Variants in LRRC27 observed in about 807,000 individuals in gnomAD.
The protein encoded by LRRC27 is leucine rich repeat containing 27, also known as leucine-rich repeat-containing protein 27.
Under a neutral mutation model 55.0 loss-of-function variants are expected in LRRC27, and 57 were observed. That is an observed-to-expected ratio of 1.04 (90% CI 0.84 to 1.29). LRRC27 has a LOEUF of 1.29. Among genes scored for constraint, LRRC27 ranks in the 50% most tolerant of loss-of-function variants. LRRC27 has a pLI of 0.00. For synonymous variants in LRRC27, 278 were observed against 251.9 expected (o/e 1.10, Z -0.98); for missense variants, 721 against 651.5 (o/e 1.11, Z -1.16).
chr10:132,380,753 A>G lies in LRRC27; in HGVS notation c.*5511A>G, dbSNP rs1442882511. On this transcript the variant is annotated 3_prime_UTR_variant, in exon 11 of 11. Transcript: ENST00000368614. ...AACACTTTGGGACCCATAGAGTGCC[A>G]CCAGTCATGCCAAAGAGCTCCTGAG... Among the ~76,000 whole-genome samples, 1 of 152,236 alleles carries G rather than the reference A, an allele frequency of 6.6e-6. No individual in the cohort carries two copies. Among genetic ancestry groups the G allele is most frequent in the African/African-American group, 2.4e-5 (1 of 41,460 alleles).
At chr10:132,341,816 G>C (rs2067428401) in intron 3 of LRRC27, among the ~76,000 whole-genome samples, 1 of 152,238 alleles carries the variant, frequency 6.6e-6, no homozygotes, top group South Asian at 2.1e-4. Context: ...GTTATAACTG[G>C]AAGGTGTGAA....
intron 9 of LRRC27, among the ~76,000 whole-genome samples, chr10:132,361,901 A>G (rs1239325228): frequency 1.3e-5 from 2 of 151,336 alleles, no homozygotes; most frequent in Non-Finnish European, 2.9e-5. Flanking sequence ...CACCCGCTGC[A>G]GTCCCTGCCC....
chr10:132,331,812 C>A (rs1208837309), upstream of LRRC27: 3 of 1,579,544 alleles, frequency 1.9e-6, no homozygotes, highest in African/African-American at 4.0e-5. Flanking sequence ...GCCCGTCGAC[C>A]ACCACCCCTT....
In LRRC27 at chr10:132,377,732, C is replaced by T. The variant is rs981842158; in HGVS notation, c.*2490C>T. The T allele has an allele frequency of 3.3e-5, 5 of 152,186 alleles. No homozygotes were observed. Among genetic ancestry groups the T allele is most frequent in the African/African-American group, 1.2e-4 (5 of 41,434 alleles). 9.4% of individuals were successfully genotyped at this position (152,186 alleles called of 1,614,324 possible). The stretch of plus-strand genomic sequence containing the variant: ...TCTTTGTATCATGGTTATGCTTTGA[C>T]TGGCCGTAAGTTCTCTCAGCTTTTG... On this transcript the variant is annotated 3_prime_UTR_variant, in exon 11 of 11. Transcript: ENST00000368614.
chr10:132,353,776 G>A (rs554972076), intron 7 of LRRC27, among the ~76,000 whole-genome samples: 11 of 152,248 alleles, frequency 7.2e-5, no homozygotes, highest in Non-Finnish European at 1.2e-4. Context: ...ACTGTCCCTC[G>A]GGGTAGCTCT....
chr10:132,351,757 A>AGTCCACACAGGGTGGGG lies in LRRC27; in HGVS notation c.1073+9_1073+25dup. On this transcript the variant is annotated splice_donor_region_variant and intron_variant, in intron 7 of 10. Transcript: ENST00000368614. ...CTCTGATGGAGCAGCAGAGACGGTG[A>AGTCCACACAGGGTGGGG]GTCCACACAGGGTGGGGGTCCGCAC... The AGTCCACACAGGGTGGGG allele has an allele frequency of 1.2e-6, 2 of 1,609,568 alleles. No individual in the cohort carries two copies. The highest frequency in any genetic ancestry group is 1.7e-6 in the Non-Finnish European group (2 of 1,177,794).
rs1160816565 is a variant in LRRC27, at chr10:132,369,395, T to C, written c.1416+3845T>C. On this transcript the variant is annotated intron_variant, in intron 10 of 10. Coordinates refer to ENST00000368614, the MANE Select transcript of LRRC27 (RefSeq NM_030626.3). Reference sequence around the variant, plus strand: ...TCCTTCAGCAGGTGACTGGATAAACTGGAACATCCAGATAGTGGAACGTTG... The same window carrying C: ...TCCTTCAGCAGGTGACTGGATAAACCGGAACATCCAGATAGTGGAACGTTG... Among the ~76,000 whole-genome samples, 4 of 152,142 alleles carry C rather than the reference T, an allele frequency of 2.6e-5. No homozygotes were observed. In the East Asian group the frequency reaches 7.7e-4, roughly 29 times the overall value.
At chr10:132,354,481 G>T (rs1449915170) in intron 7 of LRRC27, among the ~76,000 whole-genome samples, 1 of 152,202 alleles carries the variant, frequency 6.6e-6, no homozygotes, top group Non-Finnish European at 1.5e-5. Context: ...GACACGGGGG[G>T]CACCACCCTG....
In LRRC27 at chr10:132,348,287, A is replaced by G; in HGVS notation, c.857A>G (p.Glu286Gly). 2 of 1,614,028 alleles carry G rather than the reference A, an allele frequency of 1.2e-6. No homozygotes were observed. Among genetic ancestry groups the G allele is most frequent in the Non-Finnish European group, 1.7e-6 (2 of 1,180,030 alleles). The stretch of plus-strand genomic sequence containing the variant: ...CTGGGAGATCAGCTCTTGACGAGGG[A>G]ATTACCTCCAAATCTCAAGGCGGCC... ...DVLGDQLLTR[E>G]LPPNLKAALN... Residue 286 changes from glutamate to glycine, a missense_variant, in exon 6 of 11, where the codon GAA becomes GGA. Glu to Gly is a moderately conservative substitution (Grantham distance 98, BLOSUM62 -2). Coordinates refer to ENST00000368614, the MANE Select transcript of LRRC27 (RefSeq NM_030626.3). This position sits in a 1 kb window ranked among gnomAD's most constrained non-coding sequence, Gnocchi z 4.2.
chr10:132,359,457 A>G (rs576631305), intron 8 of LRRC27, among the ~76,000 whole-genome samples: 4 of 152,304 alleles, frequency 2.6e-5, no homozygotes, highest in Non-Finnish European at 5.9e-5. Flanking sequence ...GCAGCTGGGC[A>G]GGAGGACACG....
intron 10 of LRRC27, among the ~76,000 whole-genome samples, chr10:132,368,661 G>T (rs2069150308): frequency 6.6e-6 from 1 of 150,876 alleles, no homozygotes; most frequent in South Asian, 2.1e-4. Flanking sequence ...ATTCAAAATG[G>T]ATCATAGACC....
intron 7 of LRRC27, chr10:132,353,415 G>C (rs1273888060): frequency 9.8e-7 from 1 of 1,025,260 alleles, no homozygotes; most frequent in Non-Finnish European, 1.2e-6. Context: ...TGTGTGTGCT[G>C]TTTTCTCTCG....
At chr10:132,334,433 G>T (rs1280348496) in intron 2 of LRRC27, among the ~76,000 whole-genome samples, 2 of 152,112 alleles carry the variant, frequency 1.3e-5, no homozygotes, top group African/African-American at 4.8e-5. Flanking sequence ...TAGAGATGGG[G>T]TTTCACCATG....
chr10:132,356,185 C>T (rs1306702304), intron 8 of LRRC27, among the ~76,000 whole-genome samples: 1 of 152,200 alleles, frequency 6.6e-6, no homozygotes, highest in South Asian at 2.1e-4. Flanking sequence ...TGACTTTTGG[C>T]TCCTGTCTGG....
rs2068760427 is a variant in LRRC27 at position 132,363,732 on chromosome 10, A to G, written c.1290-1692A>G. 2.0e-5 allele frequency among the ~76,000 whole-genome samples: 3 copies of G among 152,178 alleles called. No individual in the cohort carries two copies. The South Asian group carries it at 6.2e-4, about 32-fold the overall frequency. ...GGGCCTGGCCCCGGCCCTGCTGCTC[A>G]GCGTACGTCTGCCAGGGGGCTCCCC... On this transcript the variant is annotated intron_variant, in intron 9 of 10. Coordinates refer to ENST00000368614, the MANE Select transcript of LRRC27 (RefSeq NM_030626.3).
At position 132,372,599 on chromosome 10, in the gene LRRC27, G is replaced by C. The variant is rs1295057991; in HGVS notation, c.1417-2467G>C. Among the ~76,000 whole-genome samples the C allele has an allele frequency of 1.3e-5, 2 of 152,096 alleles. No homozygotes were observed. Among genetic ancestry groups the C allele is most frequent in the South Asian group, 2.1e-4 (1 of 4,808 alleles). ...ACAAAAAGGAAGCGGAGTCTATACA[G>C]GTCACGCCAGGGCCCTGGGTCTGCT... On this transcript the variant is annotated intron_variant, in intron 10 of 10. Transcript: ENST00000368614. The surrounding 1 kb of genome is among the most constrained non-coding windows in gnomAD (Gnocchi z 4.0).
chr10:132,342,719 A>G (rs1280364947), intron 4 of LRRC27, among the ~76,000 whole-genome samples: 1 of 152,262 alleles, frequency 6.6e-6, no homozygotes, highest in Non-Finnish European at 1.5e-5. Context: ...AGCGTAAACT[A>G]TCACAGAAGC....
rs771839502 is a variant in LRRC27, at chr10:132,348,596, G to A, written c.926+240G>A. 1.3e-5 allele frequency among the ~76,000 whole-genome samples: 2 copies of A among 152,164 alleles called. No homozygotes were observed. Among genetic ancestry groups the A allele is most frequent in the Non-Finnish European group, 2.9e-5 (2 of 68,034 alleles). On this transcript the variant is annotated intron_variant, in intron 6 of 10. Coordinates refer to ENST00000368614, the MANE Select transcript of LRRC27 (RefSeq NM_030626.3). The surrounding 1 kb of genome is among the most constrained non-coding windows in gnomAD (Gnocchi z 4.2). The stretch of plus-strand genomic sequence containing the variant: ...GTTTGCCAAGGTTGAGGATACGCCC[G>A]GGGAAAAGAGACATAAGCGACAGTG...
intron 10 of LRRC27, among the ~76,000 whole-genome samples, chr10:132,370,801 C>G (rs1454546345): frequency 1.3e-5 from 2 of 152,262 alleles, no homozygotes; most frequent in South Asian, 2.1e-4. Flanking sequence ...GCTGCCTACA[C>G]AGGCCCACTA....
Sources: gnomAD v4.1 joint callset for allele counts (sites outside exome capture counted in the v4.1 genomes callset) on GRCh38, gnomAD v4.1.1 for gene constraint, Gnocchi (gnomAD v3.1) non-coding constraint, MANE v1.5 for transcripts, NCBI Gene and HGNC (gene_info 2026-07-23, HGNC 2026-07-21) for gene names.